Variants in WDR89 observed in about 807,000 individuals in gnomAD.
WDR89 encodes WD repeat-containing protein 89.
Under a neutral mutation model 29.1 loss-of-function variants are expected in WDR89, and 17 were observed. The ratio of observed to expected loss-of-function variants is 0.58; its 90% CI spans 0.40 to 0.88. The LOEUF (loss-of-function observed/expected upper bound fraction) is 0.88, where lower values mean the gene tolerates loss of function less well. Ranked by LOEUF, WDR89 falls within the 40% of genes least tolerant of loss-of-function variation. The pLI, the probability that WDR89 is intolerant of heterozygous loss-of-function variation, is 0.00. For synonymous variants in WDR89, 138 were observed against 157.8 expected, an observed-to-expected ratio of 0.87 and a Z score of 0.94; for missense variants, 396 against 456.3, an observed-to-expected ratio of 0.87 and a Z score of 1.20.
At chr14:63,627,305 T>C (rs762167811) in intron 1 of WDR89, among the ~76,000 whole-genome samples, 1 of 152,108 alleles carries the variant, frequency 6.6e-6, no homozygotes, top group Non-Finnish European at 1.5e-5. Flanking sequence ...TATATGCGTA[T>C]GTAAGGAAGG....
chr14:63,601,211 G>T (rs943064419), intron 2 of WDR89, among the ~76,000 whole-genome samples: 2 of 151,938 alleles, frequency 1.3e-5, no homozygotes, highest in African/African-American at 4.8e-5. Flanking sequence ...AAACAACTAA[G>T]TTTGCAGTAA....
chr14:63,617,273 G>T (rs755035302), intron 2 of WDR89, among the ~76,000 whole-genome samples: 4 of 151,844 alleles, frequency 2.6e-5, no homozygotes, highest in Non-Finnish European at 4.4e-5. Context: ...TAGAGATGGG[G>T]TTTCACCATG....
intron 1 of WDR89, chr14:63,641,456 TGGAGAGGAAAGAGCA>T (rs1566804849): frequency 3.9e-5 from 6 of 152,214 alleles, no homozygotes; most frequent in Non-Finnish European, 5.9e-5. Context: ...AGAGTATCCG[TGGAGAGGAAAGAGCA>T]GGAGGAAACA....
chr14:63,607,416 G>A (rs150797055), intron 2 of WDR89, among the ~76,000 whole-genome samples: 3,264 of 152,062 alleles, frequency 0.021, 108 homozygotes, highest in African/African-American at 0.074. Context: ...GTCCGCCTCC[G>A]CCTCTCAAAG....
At chr14:63,601,736 A>G in intron 2 of WDR89, 1 of 1,455,220 alleles carries the variant, frequency 6.9e-7, no homozygotes, top group Non-Finnish European at 9.6e-7. Flanking sequence ...CATAACATGG[A>G]GGCACCAAAG....
intron 2 of WDR89, among the ~76,000 whole-genome samples, chr14:63,621,561 G>A (rs1235638082): frequency 6.6e-6 from 1 of 151,940 alleles, no homozygotes; most frequent in Non-Finnish European, 1.5e-5. Context: ...TCACACGATT[G>A]CACTGCAGCC....
chr14:63,636,181 A>C (rs1883725700), intron 1 of WDR89, among the ~76,000 whole-genome samples: 1 of 152,184 alleles, frequency 6.6e-6, no homozygotes, highest in African/African-American at 2.4e-5. Flanking sequence ...ATCTCAAAAA[A>C]GAAAGAAGAA....
chr14:63,628,837 G>C (rs542439260), intron 1 of WDR89, among the ~76,000 whole-genome samples: 1 of 152,060 alleles, frequency 6.6e-6, no homozygotes, highest in East Asian at 1.9e-4. Flanking sequence ...TGACGTGCAT[G>C]CCTGTGGTCC....
intron 2 of WDR89, among the ~76,000 whole-genome samples, chr14:63,624,682 A>G (rs189642022): frequency 2.3e-3 from 355 of 152,316 alleles, no homozygotes; most frequent in Non-Finnish European, 3.8e-3. Context: ...TCACCAAAGA[A>G]GATATATGAA....
intron 1 of WDR89, 50 bp downstream of exon 1, chr14:63,641,754 G>A (rs1884159687): frequency 6.6e-6 from 1 of 152,604 alleles, no homozygotes; most frequent in Non-Finnish European, 1.5e-5. Flanking sequence ...CGCTCGTCGA[G>A]AGGGCTGCCC....
intron 1 of WDR89, among the ~76,000 whole-genome samples, chr14:63,639,648 T>C (rs972301289): frequency 3.3e-5 from 5 of 152,224 alleles, no homozygotes; most frequent in African/African-American, 1.2e-4. Flanking sequence ...CAAAATTCTC[T>C]TGTATTTTCT....
At chr14:63,603,720 A>G (rs1009804980) in intron 2 of WDR89, among the ~76,000 whole-genome samples, 2 of 152,228 alleles carry the variant, frequency 1.3e-5, no homozygotes, top group Admixed American at 6.5e-5. Context: ...GGACCCCATC[A>G]GTCTGTAAGC....
At chr14:63,628,665 T>A (rs998990875) in intron 1 of WDR89, among the ~76,000 whole-genome samples, 5 of 151,880 alleles carry the variant, frequency 3.3e-5, no homozygotes, top group African/African-American at 1.2e-4. Context: ...AAGAAAAAAA[T>A]AATAATAAAG....
At chr14:63,604,805 G>C (rs1364155825) in intron 2 of WDR89, among the ~76,000 whole-genome samples, 1 of 152,152 alleles carries the variant, frequency 6.6e-6, no homozygotes, top group Non-Finnish European at 1.5e-5. Flanking sequence ...CACCACGTAA[G>C]GACGCTGCGG....
At chr14:63,637,834 C>G (rs1883837447) in intron 1 of WDR89, among the ~76,000 whole-genome samples, 1 of 152,052 alleles carries the variant, frequency 6.6e-6, no homozygotes, top group Non-Finnish European at 1.5e-5. Context: ...TAAAAGACTA[C>G]AAATATGGTG....
chr14:63,628,794 C>T (rs559840449), intron 1 of WDR89, among the ~76,000 whole-genome samples: 1 of 152,212 alleles, frequency 6.6e-6, no homozygotes, highest in Admixed American at 6.5e-5. Context: ...AACCCTATCC[C>T]TATCAAAAGT....
At chr14:63,623,862 T>A (rs1176204055) in intron 2 of WDR89, among the ~76,000 whole-genome samples, 3 of 151,928 alleles carry the variant, frequency 2.0e-5, no homozygotes, top group Non-Finnish European at 4.4e-5. Flanking sequence ...AAGAAACCCA[T>A]TTTAAACATA....
Position 63,599,609 on chromosome 14 carries a change from C to A in WDR89, c.334G>T (p.Gly112Cys). The A allele has an allele frequency of 6.2e-7, 1 of 1,613,986 alleles. No homozygotes were observed. Among genetic ancestry groups the A allele is most frequent in the Non-Finnish European group, 8.5e-7 (1 of 1,179,992 alleles). ...CTGATAAAAATATTGGAAGGGTAAC[C>A]CTTGAAGAGCTGAACAGGTTTTTCT... ...AREKPVQLFK[G>C]YPSNIFISFD... Residue 112 changes from glycine to cysteine, a missense_variant, in exon 3 of 3, where the codon GGT becomes TGT. Physicochemically the swap from Gly to Cys is radical, Grantham distance 159. Transcript: ENST00000620954.
intron 2 of WDR89, among the ~76,000 whole-genome samples, chr14:63,614,431 C>A (rs1272109921): frequency 6.6e-6 from 1 of 151,860 alleles, no homozygotes; most frequent in Non-Finnish European, 1.5e-5. Flanking sequence ...CCTACCTCAG[C>A]CTCCCAAGCA....
Sources: allele counts gnomAD v4.1 joint callset (sites outside exome capture counted in the v4.1 genomes callset), GRCh38; gene constraint gnomAD v4.1.1; transcripts MANE v1.5; gene names NCBI Gene and HGNC (gene_info 2026-07-23, HGNC 2026-07-21).